Variants in COL5A1 observed in about 807,000 individuals in gnomAD.
The protein encoded by COL5A1 is collagen type V alpha 1 chain, also known as collagen alpha-1(V) chain.
Under a neutral mutation model 263.7 loss-of-function variants are expected in COL5A1, and 16 were observed. That is an observed-to-expected ratio of 0.06 (90% CI 0.04 to 0.09). The LOEUF is 0.09. Among genes scored for constraint, COL5A1 ranks in the 10% least tolerant of loss-of-function variants. COL5A1 has a pLI of 1.00. For missense variants in COL5A1, 2,036 were observed against 2,540.5 expected (o/e 0.80, Z 4.27); for synonymous variants, 1,012 against 1,004.5 (o/e 1.01, Z -0.14).
chr9:134,693,674 A>G (rs1008059664), intron 2 of COL5A1, among the ~76,000 whole-genome samples: 1 of 151,902 alleles, frequency 6.6e-6, no homozygotes, highest in Non-Finnish European at 1.5e-5. Flanking sequence ...TTGACGCCAT[A>G]CCCCGCCTCG....
chr9:134,675,100 T>A (rs755928196), intron 1 of COL5A1, among the ~76,000 whole-genome samples: 22 of 152,220 alleles, frequency 1.4e-4, no homozygotes, highest in Non-Finnish European at 2.6e-4. Flanking sequence ...CTGTGATATG[T>A]GCAGTCCTCT....
In COL5A1 at chr9:134,642,460, G is replaced by C. The variant is rs1316350809; in HGVS notation, c.109+164G>C. Among the ~76,000 whole-genome samples the C allele has an allele frequency of 1.4e-5, 2 of 145,692 alleles. No homozygotes were observed. The highest frequency in any genetic ancestry group is 3.0e-5 in the Non-Finnish European group (2 of 66,046). The stretch of plus-strand genomic sequence containing the variant: ...TTGCTGGGGGCCCCCCCGAGATGAC[G>C]ACACGCAGACACAATGCCCGCGGGC... On this transcript the variant is annotated intron_variant, in intron 1 of 65. Coordinates refer to ENST00000371817, the MANE Select transcript of COL5A1 (RefSeq NM_000093.5). The surrounding 1 kb of genome is among the most constrained non-coding windows in gnomAD (Gnocchi z 4.5).
chr9:134,834,992 G>A lies in COL5A1; in HGVS notation c.5158G>A (p.Gly1720Ser), dbSNP rs1215842932. 2 of 1,613,642 alleles carry A rather than the reference G, an allele frequency of 1.2e-6. No homozygotes were observed. The highest frequency in any genetic ancestry group is 1.1e-5 in the South Asian group (1 of 91,054). Residue 1720 changes from glycine (G) to serine (S), a missense_variant, in exon 65 of 66, where the codon GGC (glycine) becomes AGC (serine). Gly to Ser is a moderately conservative substitution (Grantham distance 56). Around this residue, in one of 3 missense-constraint regions of COL5A1, gnomAD observed 358 missense variants for 384.6 expected, o/e 0.93. Coordinates refer to ENST00000371817, the MANE Select transcript of COL5A1 (RefSeq NM_000093.5). ...GKLLSYVDAE[G>S]NPVGVVQMTF... ...CCAGCTCTCCTATGTGGACGCCGAG[G>A]GCAACCCTGTGGGTGTGGTACAGAT...
At position 134,681,883 on chromosome 9, in the gene COL5A1, TTCTC is replaced by T. The variant is rs775557699; in HGVS notation, c.110-9023_110-9020del. Among the ~76,000 whole-genome samples the T allele has an allele frequency of 2.0e-5, 3 of 151,990 alleles. No individual in the cohort carries two copies. Among genetic ancestry groups the T allele is most frequent in the East Asian group, 1.9e-4 (1 of 5,170 alleles). Reference sequence around the variant, plus strand: ...CCTCTCTTCCTCGCTCTTCCTCTCTTTCTCTCTCTGTCTCTCCCTCTCTCTTTCT... The same window carrying T: ...CCTCTCTTCCTCGCTCTTCCTCTCTTTCTCTGTCTCTCCCTCTCTCTTTCT... On this transcript the variant is annotated intron_variant, in intron 1 of 65. Transcript: ENST00000371817. The surrounding 1 kb of genome is among the most constrained non-coding windows in gnomAD (Gnocchi z 4.3).
chr9:134,731,660 A>G lies in COL5A1; in HGVS notation c.1329A>G (p.Glu443=). Reference sequence around the variant, plus strand: ...CGGCGAACCAGGATACCATCTATGAAGGGGTGAGAGGGTGCAGGCCCCCGT... The same window carrying G: ...CGGCGAACCAGGATACCATCTATGAGGGGGTGAGAGGGTGCAGGCCCCCGT... ...GMPANQDTIY[E]GIGGPRGEKG... Residue 443 remains glutamate, a synonymous_variant, in exon 8 of 66, where the codon GAA becomes GAG. Transcript: ENST00000371817. 1.2e-6 allele frequency: 2 copies of G among 1,611,280 alleles called. No individual in the cohort carries two copies. Among genetic ancestry groups the G allele is most frequent in the Non-Finnish European group, 1.7e-6 (2 of 1,178,354 alleles).
At chr9:134,829,809 G>C (rs1000509724) in intron 63 of COL5A1, among the ~76,000 whole-genome samples, 167 bp from the exon 64 acceptor site, 1 of 152,118 alleles carries the variant, frequency 6.6e-6, no homozygotes, top group Admixed American at 6.5e-5. Flanking sequence ...CAAGGGCCGG[G>C]GCCCTCAGGC....
At chr9:134,803,851 G>GAA (rs35722600) in intron 39 of COL5A1, among the ~76,000 whole-genome samples, 3 of 148,038 alleles carry the variant, frequency 2.0e-5, no homozygotes, top group Non-Finnish European at 4.5e-5. Flanking sequence ...TCAAAAAAAA[G>GAA]AAAAAAAAAC....
Position 134,757,500 on chromosome 9 carries a change from A to T in COL5A1, c.1881+682A>T, listed in dbSNP as rs892629164. Among the ~76,000 whole-genome samples the T allele has an allele frequency of 6.6e-6, 1 of 152,178 alleles. No individual in the cohort carries two copies. The highest frequency in any genetic ancestry group is 2.4e-5 in the African/African-American group (1 of 41,438). ...GGAGACCGGGCACCAAAAAAATGCCAGGGCTCAACTACACCTGTTCCCTCT... is the reference window on the plus strand; with the variant it reads ...GGAGACCGGGCACCAAAAAAATGCCTGGGCTCAACTACACCTGTTCCCTCT... On this transcript the variant is annotated intron_variant, in intron 17 of 65. Coordinates refer to ENST00000371817, the MANE Select transcript of COL5A1 (RefSeq NM_000093.5). This position sits in a 1 kb window ranked among gnomAD's most constrained non-coding sequence, Gnocchi z 6.2.
intron 1 of COL5A1, chr9:134,649,470 G>A (rs988663397): frequency 4.3e-6 from 2 of 470,206 alleles, no homozygotes; most frequent in East Asian, 6.9e-5. Flanking sequence ...TGAAATGGAA[G>A]CTTCCTTTAT....
chr9:134,759,834 C>CACTCA (rs1336837867), intron 18 of COL5A1, among the ~76,000 whole-genome samples: 4 of 70,600 alleles, frequency 5.7e-5, no homozygotes, highest in African/African-American at 2.7e-4. Flanking sequence ...CCACACCCCC[C>CACTCA]CACTCACGCA....
intron 1 of COL5A1, among the ~76,000 whole-genome samples, chr9:134,673,917 T>C (rs1458674303): frequency 6.6e-6 from 1 of 152,146 alleles, no homozygotes; most frequent in Non-Finnish European, 1.5e-5. Context: ...TTCAGACAAA[T>C]GTTCCAGAAA....
chr9:134,697,475 C>T (rs1053668766), intron 2 of COL5A1, among the ~76,000 whole-genome samples: 3 of 152,088 alleles, frequency 2.0e-5, no homozygotes, highest in Admixed American at 6.5e-5. Context: ...TCTTTTAAGA[C>T]GGAAGAATGA....
intron 2 of COL5A1, among the ~76,000 whole-genome samples, chr9:134,697,772 C>A (rs1219717495): frequency 6.6e-6 from 1 of 152,162 alleles, no homozygotes; most frequent in Non-Finnish European, 1.5e-5. Flanking sequence ...CTAAGGCTGT[C>A]ATCTCCAGAG....
intron 21 of COL5A1, 88 bp from the exon 22 acceptor site, chr9:134,766,366 T>G: frequency 3.2e-5 from 43 of 1,331,326 alleles, no homozygotes; most frequent in Non-Finnish European, 4.2e-5. Context: ...GATGGGCGTC[T>G]GAGCTGAGTT....
chr9:134,720,650 G>A (rs4075077), intron 4 of COL5A1, among the ~76,000 whole-genome samples: 2,306 of 152,262 alleles, frequency 0.015, 21 homozygotes, highest in Non-Finnish European at 0.024. Flanking sequence ...CGTGAGCTTC[G>A]GGCAGAGCTG....
chr9:134,646,346 T>C (rs55674692), intron 1 of COL5A1, among the ~76,000 whole-genome samples: 13,208 of 150,938 alleles, frequency 0.088, 1,484 homozygotes, highest in African/African-American at 0.26. Flanking sequence ...CTGGAGGAGG[T>C]GATGTGAAAC....
At chr9:134,768,896 G>A (rs935318603) in intron 25 of COL5A1, among the ~76,000 whole-genome samples, 1 of 152,272 alleles carries the variant, frequency 6.6e-6, no homozygotes, top group East Asian at 1.9e-4. Flanking sequence ...GTGTGTGCGC[G>A]CACAGCTGTG....
intron 65 of COL5A1, among the ~76,000 whole-genome samples, chr9:134,840,897 T>TGGGAAC (rs1376119679): frequency 6.6e-6 from 1 of 152,152 alleles, no homozygotes; most frequent in East Asian, 1.9e-4. Context: ...ATACCATCTT[T>TGGGAAC]GGGAACGGGA....
At chr9:134,806,353 G>A (rs1490413166) in intron 42 of COL5A1, 57 bp downstream of exon 42, 18 of 1,285,572 alleles carry the variant, frequency 1.4e-5, no homozygotes, top group African/African-American at 5.9e-5. Context: ...GGGTCGTTCC[G>A]TGTCTGGCCT....
Sources: allele counts gnomAD v4.1 joint callset (sites outside exome capture counted in the v4.1 genomes callset), GRCh38; gene constraint gnomAD v4.1.1; regional missense constraint gnomAD v4.1.1; non-coding constraint Gnocchi (gnomAD v3.1); transcripts MANE v1.5; gene names NCBI Gene and HGNC (gene_info 2026-07-23, HGNC 2026-07-21).